BMP6: variants seen among roughly 807,000 people sequenced by gnomAD.
The protein encoded by BMP6 is bone morphogenetic protein 6, also known as VG-1-R.
Under a neutral mutation model 54.1 loss-of-function variants are expected in BMP6, and 17 were observed. The observed-to-expected ratio is 0.31, with a 90% CI of 0.22 to 0.47. The LOEUF (loss-of-function observed/expected upper bound fraction) is 0.47. Ranked by LOEUF, BMP6 falls within the 20% of genes least tolerant of loss-of-function variation. The pLI, the probability that BMP6 is intolerant of heterozygous loss-of-function variation, is 1.00. For synonymous variants in BMP6, 328 were observed against 291.2 expected, an observed-to-expected ratio of 1.13 and a Z score of -1.28; for missense variants, 720 against 690.4, an observed-to-expected ratio of 1.04 and a Z score of -0.48.
chr6:7,752,780 C>T (rs980993062), intron 1 of BMP6, among the ~76,000 whole-genome samples: 2 of 152,132 alleles, frequency 1.3e-5, no homozygotes, highest in African/African-American at 2.4e-5. Flanking sequence ...ATACAGCCCT[C>T]CTTTCAGATC....
At chr6:7,843,479 T>G (rs1759011712) in intron 1 of BMP6, among the ~76,000 whole-genome samples, 1 of 151,576 alleles carries the variant, frequency 6.6e-6, no homozygotes, top group Non-Finnish European at 1.5e-5. Flanking sequence ...TCTCCAAAGC[T>G]TTTCTCTGGT....
At chr6:7,838,858 C>T (rs531867620) in intron 1 of BMP6, among the ~76,000 whole-genome samples, 55 of 149,538 alleles carry the variant, frequency 3.7e-4, no homozygotes, top group Non-Finnish European at 8.9e-5. Context: ...AGGAGAATGG[C>T]GTCAACCCGG....
At chr6:7,812,764 T>C (rs1016209604) in intron 1 of BMP6, among the ~76,000 whole-genome samples, 1 of 152,002 alleles carries the variant, frequency 6.6e-6, no homozygotes, top group African/African-American at 2.4e-5. Context: ...TATAAGTGCC[T>C]GTGGTGTATT....
intron 2 of BMP6, among the ~76,000 whole-genome samples, chr6:7,861,099 A>T (rs1392384849): frequency 1.3e-5 from 2 of 151,590 alleles, no homozygotes; most frequent in Non-Finnish European, 3.0e-5. Context: ...AAAAAAAAAT[A>T]AAAAAGTTTT....
At chr6:7,827,661 G>A (rs1406296677) in intron 1 of BMP6, among the ~76,000 whole-genome samples, 1 of 152,246 alleles carries the variant, frequency 6.6e-6, no homozygotes, top group Non-Finnish European at 1.5e-5. Flanking sequence ...AGGAAGTGGA[G>A]ATGAAGAACT....
At chr6:7,794,034 C>T (rs976763982) in intron 1 of BMP6, among the ~76,000 whole-genome samples, 3 of 152,358 alleles carry the variant, frequency 2.0e-5, no homozygotes, top group South Asian at 2.1e-4. Flanking sequence ...TTCTGTTGCT[C>T]TCATTCGCAA....
intron 2 of BMP6, 42 bp from the exon 3 acceptor site, chr6:7,861,409 A>G: frequency 6.2e-7 from 1 of 1,606,626 alleles, no homozygotes; most frequent in Non-Finnish European, 8.5e-7. Context: ...AAGGAGCTTC[A>G]GGCAGTGCGC....
At chr6:7,779,771 T>C (rs1024086539) in intron 1 of BMP6, among the ~76,000 whole-genome samples, 12 of 152,164 alleles carry the variant, frequency 7.9e-5, no homozygotes, top group Admixed American at 3.9e-4. Context: ...ATTATTCTTA[T>C]TTTAGAGACA....
intron 1 of BMP6, among the ~76,000 whole-genome samples, chr6:7,834,290 A>G (rs1167368159): frequency 2.0e-5 from 3 of 151,742 alleles, no homozygotes; most frequent in Non-Finnish European, 4.4e-5. Context: ...CAAACACACA[A>G]GGAAATACAC....
In BMP6 at chr6:7,784,041, G is replaced by A. The variant is rs188181412; in HGVS notation, c.664+56422G>A. On this transcript the variant is annotated intron_variant, in intron 1 of 6. Transcript: ENST00000283147. ...CAACATGCTTTCTATTTCTATTTTC[G>A]TTAATCTTTTTAAGTTCAATTTTTA... Among the ~76,000 whole-genome samples the A allele has an allele frequency of 3.8e-3, 586 of 152,238 alleles. 5 individuals are homozygous for A. The highest frequency in any genetic ancestry group is 5.6e-3 in the Admixed American group (86 of 15,298).
Position 7,781,100 on chromosome 6 carries a change from A to G in BMP6, c.664+53481A>G, listed in dbSNP as rs115965019. 6.1e-3 allele frequency among the ~76,000 whole-genome samples: 931 copies of G among 152,214 alleles called. 7 individuals are homozygous for G. The highest frequency in any genetic ancestry group is 0.022 in the African/African-American group (896 of 41,528). On this transcript the variant is annotated intron_variant, in intron 1 of 6. Transcript: ENST00000283147. ...GTTGCTGTCCTTTATTTGCCCTAAC[A>G]CTATCATTAAAGCTATGTCCATGGT...
At chr6:7,820,554 G>C (rs1758590460) in intron 1 of BMP6, among the ~76,000 whole-genome samples, 1 of 152,128 alleles carries the variant, frequency 6.6e-6, no homozygotes, top group Non-Finnish European at 1.5e-5. Context: ...TGGCCTGGGA[G>C]CCCTCAGCAT....
intron 1 of BMP6, among the ~76,000 whole-genome samples, chr6:7,804,385 T>C (rs1336329230): frequency 1.3e-5 from 2 of 152,148 alleles, no homozygotes; most frequent in African/African-American, 4.8e-5. Flanking sequence ...TCACACTCCT[T>C]TCTTTCTTTC....
chr6:7,807,625 C>G (rs1758367197), intron 1 of BMP6, among the ~76,000 whole-genome samples: 1 of 152,098 alleles, frequency 6.6e-6, no homozygotes, highest in South Asian at 2.1e-4. Context: ...CCCAGACCTA[C>G]CAATTCAGAA....
At chr6:7,756,611 C>T (rs1374786869) in intron 1 of BMP6, among the ~76,000 whole-genome samples, 3 of 151,800 alleles carry the variant, frequency 2.0e-5, no homozygotes, top group South Asian at 2.1e-4. Context: ...AAAGTGAGCA[C>T]GCAAAGATGC....
chr6:7,880,250 A>G lies in BMP6; in HGVS notation c.1449A>G (p.Leu483=). 6.2e-7 allele frequency: 1 copy of G among 1,614,168 alleles called. No individual in the cohort carries two copies. Among genetic ancestry groups the G allele is most frequent in the African/African-American group, 1.3e-5 (1 of 75,034 alleles). ...AACCGTGCTGTGCGCCAACTAAGCTAAATGCCATCTCGGTTCTTTACTTTG... is the reference window on the plus strand; with the variant it reads ...AACCGTGCTGTGCGCCAACTAAGCTGAATGCCATCTCGGTTCTTTACTTTG... The part of the protein sequence containing the change: ...VPKPCCAPTK[L]NAISVLYFDD... Residue 483 remains leucine, a synonymous_variant, in exon 7 of 7, where the codon CTA becomes CTG. Coordinates refer to ENST00000283147, the MANE Select transcript of BMP6 (RefSeq NM_001718.6).
At chr6:7,876,921 G>C (rs184060384) in intron 4 of BMP6, among the ~76,000 whole-genome samples, 14 of 149,516 alleles carry the variant, frequency 9.4e-5, no homozygotes. Flanking sequence ...TTTTGTTATT[G>C]TTTTGTTTTG....
At chr6:7,834,405 G>T (rs1160310634) in intron 1 of BMP6, among the ~76,000 whole-genome samples, 1 of 151,896 alleles carries the variant, frequency 6.6e-6, no homozygotes, top group Non-Finnish European at 1.5e-5. Flanking sequence ...GTTAGAAAAT[G>T]CAAGACAATA....
chr6:7,727,729 T>G, intron 1 of BMP6, 110 bp downstream of exon 1: 1 of 1,282,706 alleles, frequency 7.8e-7, no homozygotes. Flanking sequence ...GGGTCCCGCC[T>G]GGTGCGCCAG....
Sources: allele counts gnomAD v4.1 joint callset (sites outside exome capture counted in the v4.1 genomes callset), GRCh38; gene constraint gnomAD v4.1.1; transcripts MANE v1.5; gene names NCBI Gene and HGNC (gene_info 2026-07-23, HGNC 2026-07-21).